The following DDAH1 variants were observed in gnomAD, a reference collection of about 807,000 sequenced individuals.
The protein encoded by DDAH1 is N(G),N(G)-dimethylarginine dimethylaminohydrolase 1.
DDAH1 carries 19 observed loss-of-function variants against 28.8 expected under a neutral mutation model. The observed-to-expected ratio is 0.66, with a 90% CI of 0.46 to 0.97. The LOEUF (loss-of-function observed/expected upper bound fraction) is 0.97, where lower values mean the gene tolerates loss of function less well. DDAH1 is among the 50% of genes least tolerant of loss of function. The pLI, the probability that DDAH1 is intolerant of heterozygous loss-of-function variation, is 0.00. For missense variants in DDAH1, 326 were observed against 375.9 expected (o/e 0.87, Z 1.10); for synonymous variants, 153 against 154.4 (o/e 0.99, Z 0.07).
At chr1:85,521,504 C>T in intron 1 of DDAH1, 1 of 551,156 alleles carries the variant, frequency 1.8e-6, no homozygotes, top group East Asian at 1.5e-4. Flanking sequence ...TGCTGAAAAC[C>T]TTCGTAAGAG....
At chr1:85,483,462 G>C (rs1453349971) in intron 2 of DDAH1, among the ~76,000 whole-genome samples, 1 of 152,040 alleles carries the variant, frequency 6.6e-6, no homozygotes, top group African/African-American at 2.4e-5. Context: ...AAAATCTTTA[G>C]TATTTTAAGG....
At chr1:85,322,101 T>G (rs1036799274) in intron 5 of DDAH1, among the ~76,000 whole-genome samples, 1 of 152,058 alleles carries the variant, frequency 6.6e-6, no homozygotes, top group African/African-American at 2.4e-5. Context: ...TTTTTTATTT[T>G]CTGTGGAGAC....
intron 2 of DDAH1, among the ~76,000 whole-genome samples, chr1:85,486,418 T>C (rs542485785): frequency 1.3e-5 from 2 of 152,284 alleles, no homozygotes; most frequent in Admixed American, 1.3e-4. Context: ...ATTCAGCTCT[T>C]ACAAGTCAAT....
At chr1:85,336,121 CGT>C (rs1648102228) in intron 4 of DDAH1, among the ~76,000 whole-genome samples, 1 of 152,100 alleles carries the variant, frequency 6.6e-6, no homozygotes, top group Non-Finnish European at 1.5e-5. Flanking sequence ...AACAAAGACA[CGT>C]TAGATTTAAA....
intron 1 of DDAH1, among the ~76,000 whole-genome samples, chr1:85,359,093 T>C (rs1649646988): frequency 6.6e-6 from 1 of 152,222 alleles, no homozygotes; most frequent in African/African-American, 2.4e-5. Flanking sequence ...CAATACAGTG[T>C]CATTTTTTTC....
chr1:85,474,009 C>G lies in DDAH1; in HGVS notation c.-7+22157G>C, dbSNP rs1655710147. ...ACTCCAAAGTTGACATCCCAAAGCA[C>G]AGCTCATCATATCCTGCCCAGGATT... On this transcript the variant is annotated intron_variant, in intron 2 of 6. Transcript: ENST00000426972. Among the ~76,000 whole-genome samples, 3 of 152,332 alleles carry G rather than the reference C, an allele frequency of 2.0e-5. No homozygotes were observed. In the South Asian group the frequency reaches 6.2e-4, roughly 32 times the overall value.
At chr1:85,477,892 C>A (rs549924268) in intron 2 of DDAH1, among the ~76,000 whole-genome samples, 168 of 151,928 alleles carry the variant, frequency 1.1e-3, no homozygotes, top group African/African-American at 3.7e-3. Flanking sequence ...TGCTTTTATT[C>A]CCTAGTATAT....
intron 1 of DDAH1, among the ~76,000 whole-genome samples, chr1:85,515,916 C>A (rs1832884): frequency 6.6e-6 from 1 of 152,184 alleles, no homozygotes; most frequent in Admixed American, 6.5e-5. Context: ...AGAGAACAGA[C>A]GGCTAAGATC....
rs1647960883 is a variant in DDAH1, at chr1:85,334,142, C to T, written c.598-9259G>A. Among the ~76,000 whole-genome samples, 3 of 152,268 alleles carry T rather than the reference C, an allele frequency of 2.0e-5. No individual in the cohort carries two copies. The South Asian group carries it at 6.2e-4, about 32-fold the overall frequency. ...GTTCTCATGATAGTGAGTGAGTTCT[C>T]ATGAGATCTGATGGTTTGATAAGTG... On this transcript the variant is annotated intron_variant, in intron 4 of 5. Coordinates refer to ENST00000284031, the MANE Select transcript of DDAH1 (RefSeq NM_012137.4).
At chr1:85,445,701 C>G (rs2100660743) in intron 1 of DDAH1, among the ~76,000 whole-genome samples, 1 of 152,258 alleles carries the variant, frequency 6.6e-6, no homozygotes, top group South Asian at 2.1e-4. Flanking sequence ...GCCTTGATCT[C>G]CTAAGCCCAA....
intron 5 of DDAH1, 117 bp downstream of exon 5, chr1:85,324,623 T>G: frequency 1.7e-6 from 2 of 1,178,766 alleles, no homozygotes; most frequent in Non-Finnish European, 2.4e-6. Flanking sequence ...TATCCTTTCT[T>G]TTCTTAATTG....
At chr1:85,358,635 A>G (rs1253431321) in intron 2 of DDAH1, 113 bp downstream of exon 2, 5 of 798,118 alleles carry the variant, frequency 6.3e-6, no homozygotes, top group Non-Finnish European at 7.8e-6. Context: ...GGTGACAGCG[A>G]GACTCTGTCT....
At chr1:85,557,601 AGAACC>A (rs1659011140) in intron 1 of DDAH1, among the ~76,000 whole-genome samples, 1 of 152,224 alleles carries the variant, frequency 6.6e-6, no homozygotes, top group Non-Finnish European at 1.5e-5. Flanking sequence ...TTTAAAGAGA[AGAACC>A]GAACTTAGTG....
intron 1 of DDAH1, among the ~76,000 whole-genome samples, chr1:85,376,313 A>G (rs1296479365): frequency 6.6e-6 from 1 of 152,192 alleles, no homozygotes; most frequent in East Asian, 1.9e-4. Flanking sequence ...TAACTAGTGC[A>G]CTATTTACAC....
chr1:85,432,556 TGAAA>T (rs1653740202), intron 1 of DDAH1, among the ~76,000 whole-genome samples: 1 of 152,190 alleles, frequency 6.6e-6, no homozygotes, highest in Non-Finnish European at 1.5e-5. Context: ...CCTGGAATGA[TGAAA>T]GAACACCACA....
chr1:85,348,164 G>A (rs1404219478), intron 4 of DDAH1, among the ~76,000 whole-genome samples: 2 of 152,150 alleles, frequency 1.3e-5, no homozygotes, highest in African/African-American at 4.8e-5. Context: ...CTACAGGGAG[G>A]AGGACTATAA....
intron 1 of DDAH1, among the ~76,000 whole-genome samples, chr1:85,523,046 G>A (rs1657743600): frequency 2.0e-5 from 3 of 151,162 alleles, no homozygotes; most frequent in East Asian, 1.9e-4. Context: ...AACACTAACA[G>A]CTGTTGGGGG....
At chr1:85,406,454 A>T (rs1012401615) in intron 1 of DDAH1, among the ~76,000 whole-genome samples, 3 of 152,218 alleles carry the variant, frequency 2.0e-5, no homozygotes, top group African/African-American at 7.2e-5. Flanking sequence ...TTATGAGATT[A>T]TCTATAATGT....
chr1:85,335,637 A>C (rs1648059710), intron 4 of DDAH1, among the ~76,000 whole-genome samples: 1 of 152,166 alleles, frequency 6.6e-6, no homozygotes, highest in African/African-American at 2.4e-5. Context: ...ATACATATGC[A>C]CCCAACACTG....
Sources: gnomAD v4.1 joint callset for allele counts (sites outside exome capture counted in the v4.1 genomes callset) on GRCh38, gnomAD v4.1.1 for gene constraint, MANE v1.5 for transcripts, NCBI Gene and HGNC (gene_info 2026-07-23, HGNC 2026-07-21) for gene names.